FBXO8: variants seen among roughly 807,000 people sequenced by gnomAD.
FBXO8 encodes the protein F-box only protein 8.
A neutral mutation model predicts 33.4 loss-of-function variants in FBXO8; 15 were observed. The ratio of observed to expected loss-of-function variants is 0.45; its 90% CI spans 0.30 to 0.69. The LOEUF is 0.69. FBXO8 is among the 30% of genes least tolerant of loss of function. FBXO8 has a pLI of 0.08. For missense variants in FBXO8, 274 were observed against 380.3 expected, an observed-to-expected ratio of 0.72 and a Z score of 2.32; for synonymous variants, 132 against 131.5, an observed-to-expected ratio of 1.00 and a Z score of -0.02.
At chr4:174,238,774 C>CACACACATAGCCATGTATATATATATAT (rs1735952841) in intron 5 of FBXO8, among the ~76,000 whole-genome samples, 1 of 47,276 alleles carries the variant, frequency 2.1e-5, no homozygotes, top group Non-Finnish European at 5.3e-5. Context: ...TATATATATA[C>CACACACATAGCCATGTATATATATATAT]ACACACACAC....
At chr4:174,273,055 C>G (rs1579037677) in intron 1 of FBXO8, among the ~76,000 whole-genome samples, 2 of 151,994 alleles carry the variant, frequency 1.3e-5, no homozygotes, top group Non-Finnish European at 2.9e-5. Flanking sequence ...AATCTCAGTG[C>G]TTTGGGAGAG....
chr4:174,281,028 A>G lies in FBXO8; in HGVS notation c.-9+2382T>C, dbSNP rs1461866824. ...TAGAATGGTTAAGATGGTAAATTTT[A>G]TGTTACGTATATTTTACTACAATTT... On this transcript the variant is annotated intron_variant, in intron 1 of 5. Coordinates refer to ENST00000393674, the MANE Select transcript of FBXO8 (RefSeq NM_012180.3). The surrounding 1 kb of genome is among the most constrained non-coding windows in gnomAD (Gnocchi z 4.6). Among the ~76,000 whole-genome samples the G allele has an allele frequency of 2.6e-5, 4 of 152,210 alleles. No individual in the cohort carries two copies. In the East Asian group the frequency reaches 7.7e-4, roughly 29 times the overall value.
chr4:174,239,952 A>G (rs901435911), intron 4 of FBXO8, among the ~76,000 whole-genome samples: 1 of 151,772 alleles, frequency 6.6e-6, no homozygotes, highest in African/African-American at 2.4e-5. Context: ...ATTGCATATA[A>G]CAGGAACAGG....
intron 4 of FBXO8, among the ~76,000 whole-genome samples, chr4:174,240,667 AATAT>A (rs1319327402): frequency 6.6e-6 from 1 of 151,702 alleles, no homozygotes; most frequent in Admixed American, 6.6e-5. Flanking sequence ...TCTACATGCA[AATAT>A]ATATACCTTA....
At chr4:174,264,413 C>T (rs1736641136) in intron 1 of FBXO8, among the ~76,000 whole-genome samples, 1 of 151,982 alleles carries the variant, frequency 6.6e-6, no homozygotes, top group Non-Finnish European at 1.5e-5. Flanking sequence ...GTGTCTTTTC[C>T]CAGGTACTTC....
At chr4:174,271,864 T>C (rs1221620663) in intron 1 of FBXO8, among the ~76,000 whole-genome samples, 4 of 152,298 alleles carry the variant, frequency 2.6e-5, no homozygotes, top group African/African-American at 4.8e-5. Flanking sequence ...TTAATTTAAA[T>C]AGATATAAAA....
In FBXO8 at chr4:174,247,219, G is replaced by A. The variant is rs73009488; in HGVS notation, c.457-6001C>T. 0.021 allele frequency among the ~76,000 whole-genome samples: 3,127 copies of A among 152,050 alleles called. 47 individuals carry two copies. Among genetic ancestry groups the A allele is most frequent in the African/African-American group, 0.044 (1,828 of 41,504 alleles). On this transcript the variant is annotated intron_variant, in intron 3 of 5. Coordinates refer to ENST00000393674, the MANE Select transcript of FBXO8 (RefSeq NM_012180.3). The surrounding 1 kb of genome is among the most constrained non-coding windows in gnomAD (Gnocchi z 4.6). ...TGGCACACACATTGTGTAACAGTTG[G>A]TATCAATAAAAGTTACATGATGTTT...
rs552644992 is a variant in FBXO8 at position 174,274,481 on chromosome 4, A to G, written c.-9+8929T>C. Among the ~76,000 whole-genome samples the G allele has an allele frequency of 9.5e-4, 144 of 152,356 alleles. No homozygotes were observed. Among genetic ancestry groups the G allele is most frequent in the Middle Eastern group, 3.4e-3 (1 of 294 alleles). On this transcript the variant is annotated intron_variant, in intron 1 of 5. Transcript: ENST00000393674. The surrounding 1 kb of genome is among the most constrained non-coding windows in gnomAD (Gnocchi z 4.0). ...CTGTGGATTAATTACCTGAGTAGTC[A>G]TAATCCTGGTCCTGAATTTCATTAA...
intron 3 of FBXO8, among the ~76,000 whole-genome samples, chr4:174,246,899 T>C (rs1178427457): frequency 2.0e-5 from 3 of 152,014 alleles, no homozygotes; most frequent in African/African-American, 7.2e-5. Context: ...ATTTGGATTC[T>C]TGGGCAAAGT....
chr4:174,271,174 A>C (rs1319234151), intron 1 of FBXO8, among the ~76,000 whole-genome samples: 1 of 152,232 alleles, frequency 6.6e-6, no homozygotes, highest in Non-Finnish European at 1.5e-5. Context: ...TGAACATGAG[A>C]TTTCAACATA....
rs904476436 is a variant in FBXO8, at chr4:174,277,090, C to T, written c.-9+6320G>A. 6.6e-6 allele frequency among the ~76,000 whole-genome samples: 1 copy of T among 152,102 alleles called. No individual in the cohort carries two copies. Among genetic ancestry groups the T allele is most frequent in the Admixed American group, 6.6e-5 (1 of 15,264 alleles). The stretch of plus-strand genomic sequence containing the variant: ...AGTCTGTTACAACAGCATAAAAGCG[C>T]TTCCACTTAAAAGCAGTACAAACTA... On this transcript the variant is annotated intron_variant, in intron 1 of 5. Coordinates refer to ENST00000393674, the MANE Select transcript of FBXO8 (RefSeq NM_012180.3). This position sits in a 1 kb window ranked among gnomAD's most constrained non-coding sequence, Gnocchi z 4.9.
intron 3 of FBXO8, among the ~76,000 whole-genome samples, chr4:174,246,365 A>G (rs565121707): frequency 6.6e-6 from 1 of 152,092 alleles, no homozygotes; most frequent in South Asian, 2.1e-4. Flanking sequence ...TTTTCTTTCA[A>G]ATAGCTGAAG....
In FBXO8 at chr4:174,262,534, C is replaced by T. The variant is rs72702240; in HGVS notation, c.329+230G>A. ...TCAACTGACAGAGCCTGATTGGTAA[C>T]CTCTCTTCTAACTGTAAAGTTATTA... On this transcript the variant is annotated intron_variant, in intron 2 of 5. Coordinates refer to ENST00000393674, the MANE Select transcript of FBXO8 (RefSeq NM_012180.3). The surrounding 1 kb of genome is among the most constrained non-coding windows in gnomAD (Gnocchi z 4.6). Among the ~76,000 whole-genome samples, 1,650 of 152,248 alleles carry T rather than the reference C, an allele frequency of 0.011. 12 individuals carry two copies. The highest frequency in any genetic ancestry group is 0.019 in the Non-Finnish European group (1,323 of 67,998).
chr4:174,241,207 G>A lies in FBXO8; in HGVS notation c.468C>T (p.Tyr156=). The A allele has an allele frequency of 6.3e-7, 1 of 1,599,334 alleles. No homozygotes were observed. The highest frequency in any genetic ancestry group is 8.6e-7 in the Non-Finnish European group (1 of 1,169,306). The change falls in exon 4 of 6, where the codon TAC becomes TAT. Residue 156 remains tyrosine (Y), a synonymous_variant. Transcript: ENST00000393674. The surrounding 1 kb of genome is among the most constrained non-coding windows in gnomAD (Gnocchi z 4.2). ...CATCCAGGATACCCTTGGACATAAA[G>A]TAGTTCACTCCCTAAGGCAGAAAGA... ...FNANPDEGVN[Y]FMSKGILDDS...
rs1418087456 is a variant in FBXO8 at position 174,281,906 on chromosome 4, CAG to C, written c.-9+1502_-9+1503del. On this transcript the variant is annotated intron_variant, in intron 1 of 5. Coordinates refer to ENST00000393674, the MANE Select transcript of FBXO8 (RefSeq NM_012180.3). This position sits in a 1 kb window ranked among gnomAD's most constrained non-coding sequence, Gnocchi z 4.6. ...AGTAAAATAATTCAAGAAAAAGAAA[CAG>C]AAATTAAATGCATAATTCTTAGACT... 1.3e-5 allele frequency among the ~76,000 whole-genome samples: 2 copies of C among 151,916 alleles called. No individual in the cohort carries two copies. The highest frequency in any genetic ancestry group is 2.4e-5 in the African/African-American group (1 of 41,350).
intron 1 of FBXO8, among the ~76,000 whole-genome samples, chr4:174,268,638 G>A (rs893125634): frequency 7.9e-5 from 12 of 152,008 alleles, no homozygotes; most frequent in East Asian, 1.9e-4. Context: ...GGGTTTCACC[G>A]TGTTAGCCAG....
In FBXO8 at chr4:174,272,469, TTGGATGACAC is replaced by T; in HGVS notation, c.-8-9379_-8-9370del. The stretch of plus-strand genomic sequence containing the variant: ...TTTTTCCAAATAGTTTCAATTGTGG[TTGGATGACAC>T]TGGATGCAGATCCACAAATACTGAG... On this transcript the variant is annotated intron_variant, in intron 1 of 5. Coordinates refer to ENST00000393674, the MANE Select transcript of FBXO8 (RefSeq NM_012180.3). The surrounding 1 kb of genome is among the most constrained non-coding windows in gnomAD (Gnocchi z 4.7). Among the ~76,000 whole-genome samples the T allele has an allele frequency of 6.6e-6, 1 of 152,354 alleles. No homozygotes were observed. The highest frequency in any genetic ancestry group is 1.9e-4 in the East Asian group (1 of 5,194).
chr4:174,278,139 C>T lies in FBXO8; in HGVS notation c.-9+5271G>A, dbSNP rs1736996374. Among the ~76,000 whole-genome samples, 1 of 151,874 alleles carries T rather than the reference C, an allele frequency of 6.6e-6. No homozygotes were observed. The highest frequency in any genetic ancestry group is 2.4e-5 in the African/African-American group (1 of 41,452). On this transcript the variant is annotated intron_variant, in intron 1 of 5. Transcript: ENST00000393674. The surrounding 1 kb of genome is among the most constrained non-coding windows in gnomAD (Gnocchi z 4.1). ...TCACATCCCTAAAATTTAAAGGCAACAAATGTAGAGAAATAAAGGAAGGGT... is the reference window on the plus strand; with the variant it reads ...TCACATCCCTAAAATTTAAAGGCAATAAATGTAGAGAAATAAAGGAAGGGT...
intron 3 of FBXO8, among the ~76,000 whole-genome samples, chr4:174,258,021 C>A (rs1304071075): frequency 1.3e-5 from 2 of 152,080 alleles, no homozygotes; most frequent in Non-Finnish European, 2.9e-5. Flanking sequence ...AGCCACTATG[C>A]CTGGCCTGAA....
Sources: gnomAD v4.1 joint callset for allele counts (sites outside exome capture counted in the v4.1 genomes callset) on GRCh38, gnomAD v4.1.1 for gene constraint, Gnocchi (gnomAD v3.1) non-coding constraint, MANE v1.5 for transcripts, NCBI Gene and HGNC (gene_info 2026-07-23, HGNC 2026-07-21) for gene names.